The following NTM variants were observed in gnomAD, a reference collection of about 807,000 sequenced individuals.
The protein encoded by NTM is IgLON family member 2.
NTM carries 13 observed loss-of-function variants against 42.1 expected under a neutral mutation model. That is an observed-to-expected ratio of 0.31 (90% CI 0.20 to 0.49). The LOEUF is 0.49. Ranked by LOEUF, NTM falls within the 20% of genes least tolerant of loss-of-function variation. NTM has a pLI of 0.99. For missense variants in NTM, 373 were observed against 452.8 expected (o/e 0.82, Z 1.60); for synonymous variants, 187 against 179.2 (o/e 1.04, Z -0.35).
At chr11:131,789,400 T>G (rs773750999) in intron 1 of NTM, among the ~76,000 whole-genome samples, 1 of 114,662 alleles carries the variant, frequency 8.7e-6, no homozygotes, top group Admixed American at 1.0e-4. Context: ...CTCAGAAGTA[T>G]TGCTGCAGTT....
intron 2 of NTM, among the ~76,000 whole-genome samples, chr11:132,032,134 G>A (rs144374920): frequency 5.9e-4 from 90 of 152,088 alleles, no homozygotes; most frequent in Non-Finnish European, 8.4e-4. Context: ...CCATCCCTCC[G>A]CCACTGACCA....
At chr11:132,203,229 C>G (rs1462289713) in intron 3 of NTM, among the ~76,000 whole-genome samples, 1 of 152,180 alleles carries the variant, frequency 6.6e-6, no homozygotes, top group Non-Finnish European at 1.5e-5. Context: ...ACCAAAACAG[C>G]CCCCTACTGC....
chr11:132,154,679 C>T (rs2072773385), intron 3 of NTM, among the ~76,000 whole-genome samples: 1 of 152,190 alleles, frequency 6.6e-6, no homozygotes, highest in Admixed American at 6.5e-5. Context: ...AGCCTCCTAC[C>T]TGAGAGTCCT....
At chr11:131,371,405 G>A (rs1941155203) in intron 1 of NTM, among the ~76,000 whole-genome samples, 1 of 152,198 alleles carries the variant, frequency 6.6e-6, no homozygotes, top group South Asian at 2.1e-4. Context: ...CCAGCTGCAA[G>A]GGATGAGTCA....
In NTM at chr11:131,516,702, T is replaced by C. The variant is rs78354290; in HGVS notation, c.82+145814T>C. 5.1e-3 allele frequency among the ~76,000 whole-genome samples: 778 copies of C among 152,246 alleles called. 9 individuals carry two copies. The highest frequency in any genetic ancestry group is 0.018 in the African/African-American group (743 of 41,540). On this transcript the variant is annotated intron_variant, in intron 1 of 8. Transcript: ENST00000683400. Reference sequence around the variant, plus strand: ...ACCCTTTAAAAAAGTTACACCTCCATTGTGAGAAAATATGTATTGTATTAA... The same window carrying C: ...ACCCTTTAAAAAAGTTACACCTCCACTGTGAGAAAATATGTATTGTATTAA...
At chr11:131,572,164 A>G (rs953002104) in intron 1 of NTM, among the ~76,000 whole-genome samples, 1 of 152,172 alleles carries the variant, frequency 6.6e-6, no homozygotes, top group African/African-American at 2.4e-5. Flanking sequence ...ATAGGCACAC[A>G]CAGGGCAGCC....
At chr11:132,322,820 A>T (rs2095600331) in intron 7 of NTM, among the ~76,000 whole-genome samples, 1 of 147,620 alleles carries the variant, frequency 6.8e-6, no homozygotes, top group Non-Finnish European at 1.5e-5. Flanking sequence ...AGAAATTATA[A>T]CAAACTATAT....
At chr11:131,835,912 G>A (rs1342543564) in intron 1 of NTM, among the ~76,000 whole-genome samples, 2 of 152,142 alleles carry the variant, frequency 1.3e-5, no homozygotes, top group African/African-American at 2.4e-5. Context: ...TGTCATAGAA[G>A]AGTGTCACAA....
intron 1 of NTM, chr11:131,540,687 T>TA (rs1399462706): frequency 1.3e-5 from 2 of 152,198 alleles, no homozygotes; most frequent in Non-Finnish European, 2.9e-5. Flanking sequence ...CTTCAAGACT[T>TA]AAAGGTGTAT....
At chr11:132,035,785 G>T (rs145925646) in intron 2 of NTM, among the ~76,000 whole-genome samples, 3 of 152,120 alleles carry the variant, frequency 2.0e-5, no homozygotes, top group Non-Finnish European at 4.4e-5. Flanking sequence ...TGCTGGCTGG[G>T]TAATGGATGT....
At chr11:131,594,871 T>C (rs2059680303) in intron 1 of NTM, among the ~76,000 whole-genome samples, 1 of 152,164 alleles carries the variant, frequency 6.6e-6, no homozygotes, top group African/African-American at 2.4e-5. Context: ...AATATTGCAG[T>C]AATTTCTCCT....
intron 2 of NTM, among the ~76,000 whole-genome samples, chr11:132,144,329 C>T (rs1414903124): frequency 6.6e-6 from 1 of 152,178 alleles, no homozygotes; most frequent in African/African-American, 2.4e-5. Context: ...TGTACTTCAG[C>T]GAAATCCCCA....
chr11:131,550,052 G>A (rs984630770), intron 1 of NTM, among the ~76,000 whole-genome samples: 3 of 152,166 alleles, frequency 2.0e-5, no homozygotes, highest in Non-Finnish European at 2.9e-5. Flanking sequence ...GATGAGAATC[G>A]CATGAGAATC....
intron 1 of NTM, among the ~76,000 whole-genome samples, chr11:131,453,898 T>C (rs749988909): frequency 2.6e-5 from 4 of 152,168 alleles, no homozygotes; most frequent in Non-Finnish European, 5.9e-5. Context: ...CCCACAGGGA[T>C]GAGCCTGCAG....
In NTM at chr11:131,456,554, G is replaced by A. The variant is rs564822425; in HGVS notation, c.82+85666G>A. Among the ~76,000 whole-genome samples, 4 of 151,228 alleles carry A rather than the reference G, an allele frequency of 2.6e-5. No homozygotes were observed. The South Asian group carries it at 8.3e-4, about 31-fold the overall frequency. Reference sequence around the variant, plus strand: ...GTGTGGCTCTTTGCCTCAGGGAGGGGTGCTGCAGGGTAAGCAGCTTGCAAA... The same window carrying A: ...GTGTGGCTCTTTGCCTCAGGGAGGGATGCTGCAGGGTAAGCAGCTTGCAAA... On this transcript the variant is annotated intron_variant, in intron 1 of 8. Transcript: ENST00000683400.
At chr11:131,603,785 T>C (rs538865108) in intron 1 of NTM, among the ~76,000 whole-genome samples, 19 of 152,224 alleles carry the variant, frequency 1.2e-4, no homozygotes, top group Non-Finnish European at 1.9e-4. Flanking sequence ...TCATATACCA[T>C]GTGGTCTTAT....
At chr11:131,816,531 T>C (rs769735595) in intron 1 of NTM, among the ~76,000 whole-genome samples, 17 of 133,562 alleles carry the variant, frequency 1.3e-4, no homozygotes, top group Non-Finnish European at 2.0e-4. Flanking sequence ...AACAAGTTCA[T>C]TGAATATTAA....
At chr11:131,801,792 G>A (rs1006550579) in intron 1 of NTM, among the ~76,000 whole-genome samples, 9 of 151,992 alleles carry the variant, frequency 5.9e-5, no homozygotes, top group African/African-American at 1.9e-4. Flanking sequence ...TGCTCTTCCC[G>A]TAACACGTTC....
intron 2 of NTM, among the ~76,000 whole-genome samples, chr11:132,027,531 G>A (rs948260709): frequency 6.6e-6 from 1 of 152,114 alleles, no homozygotes; most frequent in African/African-American, 2.4e-5. Flanking sequence ...TAGATTGGTG[G>A]TTCTTTAGTT....
Sources: allele counts gnomAD v4.1 joint callset (sites outside exome capture counted in the v4.1 genomes callset), GRCh38; gene constraint gnomAD v4.1.1; transcripts MANE v1.5; gene names NCBI Gene and HGNC (gene_info 2026-07-23, HGNC 2026-07-21).